RPA3: variants seen among roughly 807,000 people sequenced by gnomAD.
RPA3 encodes replication protein A3.
Under a neutral mutation model 13.7 loss-of-function variants are expected in RPA3, and 24 were observed. The ratio of observed to expected loss-of-function variants is 1.75; its 90% CI spans 1.27 to 2.46. The LOEUF is 2.46. RPA3 is among the 30% of genes most tolerant of loss of function. The pLI, the probability that RPA3 is intolerant of heterozygous loss-of-function variation, is 0.00. For synonymous variants in RPA3, 59 were observed against 51.2 expected (o/e 1.15, Z -0.65); for missense variants, 183 against 151.0 (o/e 1.21, Z -1.11).
chr7:7,715,046 A>T (rs1305622116), intron 2 of RPA3, 129 bp downstream of exon 2: 2 of 151,946 alleles, frequency 1.3e-5, no homozygotes, highest in African/African-American at 4.8e-5. Context: ...TTGTAGGCAA[A>T]TCCACAAATC....
chr7:7,640,193 G>T, intron 5 of RPA3, 127 bp downstream of exon 5: 1 of 1,006,738 alleles, frequency 9.9e-7, no homozygotes, highest in Non-Finnish European at 1.5e-6. Context: ...AAAGTTCCTT[G>T]TGCAAAATAA....
intron 4 of RPA3, among the ~76,000 whole-genome samples, chr7:7,678,181 C>T (rs1779795984): frequency 1.3e-5 from 2 of 151,942 alleles, no homozygotes; most frequent in East Asian, 1.9e-4. Context: ...TTCATACTGG[C>T]TGTACTAATT....
intron 1 of RPA3, among the ~76,000 whole-genome samples, chr7:7,715,584 G>C (rs982342411): frequency 2.0e-5 from 3 of 152,074 alleles, no homozygotes; most frequent in Non-Finnish European, 4.4e-5. Flanking sequence ...ATACAAAGAA[G>C]AGCTCTGTTT....
chr7:7,689,407 T>A (rs1005853760), intron 2 of RPA3: 5 of 152,190 alleles, frequency 3.3e-5, no homozygotes, highest in African/African-American at 1.2e-4. Context: ...ATGATGACAT[T>A]GTTGAACTGA....
At chr7:7,660,714 C>T (rs1373930454) in intron 4 of RPA3, among the ~76,000 whole-genome samples, 2 of 152,204 alleles carry the variant, frequency 1.3e-5, no homozygotes, top group African/African-American at 2.4e-5. Context: ...CCCAGCCTTT[C>T]TCTCTGGCTG....
intron 4 of RPA3, among the ~76,000 whole-genome samples, chr7:7,675,096 C>G (rs1263060422): frequency 1.3e-5 from 2 of 152,076 alleles, no homozygotes; most frequent in African/African-American, 2.4e-5. Context: ...AACTCCTGGC[C>G]TCAAGCAATC....
intron 7 of RPA3, among the ~76,000 whole-genome samples, chr7:7,637,486 C>T (rs957944319): frequency 1.3e-5 from 2 of 152,064 alleles, no homozygotes; most frequent in Non-Finnish European, 2.9e-5. Flanking sequence ...AATGTACCCC[C>T]ATTTGCCTTT....
At chr7:7,662,777 C>G (rs1785507516) in intron 4 of RPA3, among the ~76,000 whole-genome samples, 1 of 151,916 alleles carries the variant, frequency 6.6e-6, no homozygotes, top group African/African-American at 2.4e-5. Context: ...TGCCAGCAAC[C>G]CCTCTTCATG....
At chr7:7,710,392 T>C (rs1203820788) in intron 2 of RPA3, among the ~76,000 whole-genome samples, 3 of 151,934 alleles carry the variant, frequency 2.0e-5, no homozygotes, top group Admixed American at 2.0e-4. Context: ...TAAAACCAAA[T>C]TAGAAAATGG....
At position 7,656,429 on chromosome 7, in the gene RPA3, C is replaced by T. The variant is rs545840447; in HGVS notation, c.-757-15254G>A. Among the ~76,000 whole-genome samples, 5 of 152,194 alleles carry T rather than the reference C, an allele frequency of 3.3e-5. No individual in the cohort carries two copies. The East Asian group carries it at 5.8e-4, about 18-fold the overall frequency. On this transcript the variant is annotated intron_variant, in intron 4 of 7. Transcript: ENST00000223129. ...TTTGCTGCATCCATCAATCTGTCAT[C>T]TACATTAGGTATTTCTTCTAATGCT...
chr7:7,646,774 C>G (rs995276312), intron 4 of RPA3, among the ~76,000 whole-genome samples: 1 of 152,022 alleles, frequency 6.6e-6, no homozygotes, highest in African/African-American at 2.4e-5. Context: ...AAACTCCCCT[C>G]GACACTCAGA....
At chr7:7,709,935 T>C (rs752249183) in intron 2 of RPA3, among the ~76,000 whole-genome samples, 1 of 152,180 alleles carries the variant, frequency 6.6e-6, no homozygotes, top group Non-Finnish European at 1.5e-5. Context: ...TTCCACTCTT[T>C]AAATTCTGCT....
intron 4 of RPA3, among the ~76,000 whole-genome samples, chr7:7,662,946 A>C (rs1244376116): frequency 6.6e-6 from 1 of 152,220 alleles, no homozygotes; most frequent in Admixed American, 6.5e-5. Flanking sequence ...AAAGTTTTAG[A>C]TGTGAAATTA....
rs186311577 is a variant in RPA3 at position 7,713,629 on chromosome 7, G to C, written c.-1028+1546C>G. Reference sequence around the variant, plus strand: ...ATTATTTCCTTTTTCATTTTCTTTGGAGTTTATTTTGTTAGTTTCATTTTG... The same window carrying C: ...ATTATTTCCTTTTTCATTTTCTTTGCAGTTTATTTTGTTAGTTTCATTTTG... On this transcript the variant is annotated intron_variant, in intron 2 of 7. Coordinates refer to ENST00000223129, the MANE Select transcript of RPA3 (RefSeq NM_002947.5). Among the ~76,000 whole-genome samples the C allele has an allele frequency of 1.9e-3, 289 of 150,072 alleles. 3 individuals are homozygous for C. Among genetic ancestry groups the C allele is most frequent in the African/African-American group, 6.9e-3 (282 of 41,116 alleles).
At chr7:7,670,245 C>T (rs937682391) in intron 4 of RPA3, among the ~76,000 whole-genome samples, 14 of 152,142 alleles carry the variant, frequency 9.2e-5, no homozygotes, top group Non-Finnish European at 1.8e-4. Flanking sequence ...GTGTTTGTTC[C>T]ATTTCTGACT....
chr7:7,669,561 T>C (rs1779553470), intron 4 of RPA3, among the ~76,000 whole-genome samples: 2 of 152,228 alleles, frequency 1.3e-5, no homozygotes, highest in Admixed American at 6.5e-5. Context: ...TTACTCAAGA[T>C]ACATGGTTAG....
chr7:7,682,213 C>T (rs562995622), intron 4 of RPA3, among the ~76,000 whole-genome samples: 1 of 152,230 alleles, frequency 6.6e-6, no homozygotes, highest in African/African-American at 2.4e-5. Flanking sequence ...GTAACACTTG[C>T]TGAATTTAGA....
intron 4 of RPA3, among the ~76,000 whole-genome samples, chr7:7,659,069 C>G (rs943221463): frequency 2.6e-5 from 4 of 152,192 alleles, no homozygotes; most frequent in Non-Finnish European, 5.9e-5. Context: ...TCCATTTCTT[C>G]TAGATTTTCT....
At chr7:7,703,847 TAGG>T (rs1301557929) in intron 2 of RPA3, among the ~76,000 whole-genome samples, 1 of 151,628 alleles carries the variant, frequency 6.6e-6, no homozygotes, top group Non-Finnish European at 1.5e-5. Flanking sequence ...GAGGCTGAGG[TAGG>T]AGGATTGCTT....
Sources: allele counts gnomAD v4.1 joint callset (sites outside exome capture counted in the v4.1 genomes callset), GRCh38; gene constraint gnomAD v4.1.1; transcripts MANE v1.5; gene names NCBI Gene and HGNC (gene_info 2026-07-23, HGNC 2026-07-21).